ITFG1: variants seen among roughly 807,000 people sequenced by gnomAD.
ITFG1 encodes T-cell immunomodulatory protein.
A neutral mutation model predicts 81.8 loss-of-function variants in ITFG1; 34 were observed. That is an observed-to-expected ratio of 0.42 (90% CI 0.32 to 0.55). The LOEUF (loss-of-function observed/expected upper bound fraction) is 0.55, where lower values mean the gene tolerates loss of function less well. Among genes scored for constraint, ITFG1 ranks in the 20% least tolerant of loss-of-function variants. The pLI, the probability that ITFG1 is intolerant of heterozygous loss-of-function variation, is 0.17. For missense variants in ITFG1, 672 were observed against 755.4 expected, an observed-to-expected ratio of 0.89 and a Z score of 1.29; for synonymous variants, 285 against 270.6, an observed-to-expected ratio of 1.05 and a Z score of -0.52.
intron 10 of ITFG1, among the ~76,000 whole-genome samples, chr16:47,270,591 T>C (rs1966327900): frequency 6.6e-6 from 1 of 152,188 alleles, no homozygotes; most frequent in African/African-American, 2.4e-5. Context: ...GTTCAGACAA[T>C]AACTTGTACA....
intron 14 of ITFG1, among the ~76,000 whole-genome samples, chr16:47,209,358 G>A (rs1965537801): frequency 6.6e-6 from 1 of 152,002 alleles, no homozygotes; most frequent in South Asian, 2.1e-4. Context: ...TCCAATAAAA[G>A]CAAAGAAGCA....
Position 47,385,198 on chromosome 16 carries a change from T to C in ITFG1, c.656-9258A>G, listed in dbSNP as rs551015845. On this transcript the variant is annotated intron_variant, in intron 6 of 17. Coordinates refer to ENST00000320640, the MANE Select transcript of ITFG1 (RefSeq NM_030790.5). ...TAAAGGTCTGTATGTTTGAAATAAG[T>C]TAAAATCAAATAATCAGATTATTAA... Among the ~76,000 whole-genome samples the C allele has an allele frequency of 6.6e-5, 10 of 152,302 alleles. No individual in the cohort carries two copies. In the East Asian group the frequency reaches 1.9e-3, roughly 29 times the overall value.
At chr16:47,222,455 C>T (rs147085298) in intron 13 of ITFG1, among the ~76,000 whole-genome samples, 2,440 of 150,760 alleles carry the variant, frequency 0.016, 38 homozygotes, top group Non-Finnish European at 0.026. Context: ...GCTAGGTCGC[C>T]CAGGCCGGAG....
chr16:47,253,465 T>C (rs1379275852), intron 12 of ITFG1, among the ~76,000 whole-genome samples: 1 of 152,174 alleles, frequency 6.6e-6, no homozygotes, highest in African/African-American at 2.4e-5. Flanking sequence ...AAAGGCTACA[T>C]TTTCCTGAGC....
chr16:47,323,868 A>T (rs1293739225), intron 8 of ITFG1, among the ~76,000 whole-genome samples: 1 of 152,116 alleles, frequency 6.6e-6, no homozygotes, highest in Non-Finnish European at 1.5e-5. Flanking sequence ...TTACTTTCTG[A>T]AGTCTGGAAG....
intron 5 of ITFG1, among the ~76,000 whole-genome samples, chr16:47,430,635 T>C (rs1165798220): frequency 6.6e-6 from 1 of 152,190 alleles, no homozygotes; most frequent in Non-Finnish European, 1.5e-5. Flanking sequence ...GATTCTCTTT[T>C]ACAAATATTA....
At chr16:47,351,806 A>C (rs183150069) in intron 8 of ITFG1, among the ~76,000 whole-genome samples, 28 of 152,330 alleles carry the variant, frequency 1.8e-4, no homozygotes, top group Admixed American at 1.3e-3. Flanking sequence ...ACCTGACTTC[A>C]AACTATACTA....
intron 12 of ITFG1, among the ~76,000 whole-genome samples, chr16:47,244,040 A>G (rs771259549): frequency 2.0e-5 from 3 of 152,192 alleles, no homozygotes; most frequent in Non-Finnish European, 4.4e-5. Flanking sequence ...CTAAATAAAT[A>G]AATGTGTTGG....
chr16:47,220,913 C>G (rs774985555), intron 13 of ITFG1, among the ~76,000 whole-genome samples: 1 of 152,156 alleles, frequency 6.6e-6, no homozygotes, highest in Non-Finnish European at 1.5e-5. Flanking sequence ...ATCCAAGGAG[C>G]ACTCATTTAA....
At chr16:47,355,442 G>T (rs1033718356) in intron 8 of ITFG1, among the ~76,000 whole-genome samples, 2 of 152,146 alleles carry the variant, frequency 1.3e-5, no homozygotes, top group Non-Finnish European at 2.9e-5. Flanking sequence ...AAGACTGGCA[G>T]AATACTTTCT....
chr16:47,451,944 C>T (rs1287076549), intron 4 of ITFG1, among the ~76,000 whole-genome samples: 1 of 152,134 alleles, frequency 6.6e-6, no homozygotes. Flanking sequence ...GAATCCTAAG[C>T]CAACTTGTTT....
At chr16:47,344,338 T>A (rs1185754185) in intron 8 of ITFG1, among the ~76,000 whole-genome samples, 1 of 152,064 alleles carries the variant, frequency 6.6e-6, no homozygotes, top group East Asian at 1.9e-4. Flanking sequence ...GTGGTAGGAG[T>A]GGAGACTGAC....
At chr16:47,449,185 C>A (rs1042412980) in intron 5 of ITFG1, 3 of 152,198 alleles carry the variant, frequency 2.0e-5, no homozygotes, top group South Asian at 2.1e-4. Context: ...TTGCATGCTT[C>A]CCAAACCAAA....
chr16:47,431,515 C>G, intron 5 of ITFG1, among the ~76,000 whole-genome samples: 1 of 152,132 alleles, frequency 6.6e-6, no homozygotes, highest in East Asian at 1.9e-4. Context: ...TTCCATGACA[C>G]CGGTCCCTGT....
At chr16:47,176,945 T>A (rs1027519017) in intron 14 of ITFG1, among the ~76,000 whole-genome samples, 4 of 151,532 alleles carry the variant, frequency 2.6e-5, no homozygotes, top group South Asian at 2.1e-4. Context: ...CTCATACATC[T>A]TCTTCTTCTT....
At chr16:47,382,491 C>T (rs888607710) in intron 6 of ITFG1, among the ~76,000 whole-genome samples, 2 of 152,132 alleles carry the variant, frequency 1.3e-5, no homozygotes, top group African/African-American at 4.8e-5. Flanking sequence ...TAGCAGACAG[C>T]TCTGATGATC....
At chr16:47,392,899 G>A (rs1311714137) in intron 6 of ITFG1, among the ~76,000 whole-genome samples, 1 of 152,140 alleles carries the variant, frequency 6.6e-6, no homozygotes, top group Admixed American at 6.5e-5. Context: ...AAATCACCCA[G>A]CCACAGGTTT....
chr16:47,180,352 G>A (rs1567415384), intron 14 of ITFG1, among the ~76,000 whole-genome samples: 1 of 151,512 alleles, frequency 6.6e-6, no homozygotes, highest in African/African-American at 2.4e-5. Context: ...TGGTATTATT[G>A]CCCTCTCCCT....
At chr16:47,211,815 G>A (rs1031063341) in intron 14 of ITFG1, among the ~76,000 whole-genome samples, 36 of 152,126 alleles carry the variant, frequency 2.4e-4, no homozygotes, top group Non-Finnish European at 4.6e-4. Flanking sequence ...TACACTAATA[G>A]ATTTTTTAAT....
Sources: allele counts gnomAD v4.1 joint callset (sites outside exome capture counted in the v4.1 genomes callset), GRCh38; gene constraint gnomAD v4.1.1; transcripts MANE v1.5; gene names NCBI Gene and HGNC (gene_info 2026-07-23, HGNC 2026-07-21).